The following SMNDC1 variants were observed in gnomAD, a reference collection of about 807,000 sequenced individuals.
The protein encoded by SMNDC1 is survival motor neuron domain containing 1, also known as survival of motor neuron-related-splicing factor 30.
In SMNDC1, 5 loss-of-function variants were observed where a neutral mutation model predicts 29.2. That is an observed-to-expected ratio of 0.17 (90% CI 0.09 to 0.36). SMNDC1 has a LOEUF of 0.36. Among genes scored for constraint, SMNDC1 ranks in the 10% least tolerant of loss-of-function variants. The pLI, the probability that SMNDC1 is intolerant of heterozygous loss-of-function variation, is 1.00. For missense variants in SMNDC1, 142 were observed against 268.5 expected (o/e 0.53, Z 3.29); for synonymous variants, 80 against 89.9 (o/e 0.89, Z 0.62).
At chr10:110,297,916 C>CA (rs1288047990) in intron 3 of SMNDC1, among the ~76,000 whole-genome samples, 188 bp from the exon 4 acceptor site, 1 of 152,122 alleles carries the variant, frequency 6.6e-6, no homozygotes, top group African/African-American at 2.4e-5. Flanking sequence ...AAGGACATCC[C>CA]AATCATAATA....
chr10:110,303,430 A>G, intron 2 of SMNDC1, 38 bp downstream of exon 2: 1 of 1,533,850 alleles, frequency 6.5e-7, no homozygotes, highest in Non-Finnish European at 8.7e-7. Context: ...AATAATTTGA[A>G]AAACAGAGAA....
chr10:110,294,286 A>G lies in SMNDC1; in HGVS notation c.581T>C (p.Val194Ala). The G allele has an allele frequency of 1.3e-6, 2 of 1,569,326 alleles. No homozygotes were observed. Among genetic ancestry groups the G allele is most frequent in the Non-Finnish European group, 1.7e-6 (2 of 1,165,404 alleles). The change falls in exon 6 of 6, where the codon GTA (valine) becomes GCA (alanine). Residue 194 changes from valine (V) to alanine (A), a missense_variant and splice_region_variant. By Grantham distance (64) the Val-to-Ala change is moderately conservative. This residue lies in a region of SMNDC1 where 54 missense variants were observed against 152.1 expected (regional missense o/e 0.36). Coordinates refer to ENST00000369603, the MANE Select transcript of SMNDC1 (RefSeq NM_005871.4). ...AGGTGAAGCAAAAATACTCCTCTTT[A>G]CCTAAGGGAAAGAAAACAGAAATCA... The part of the protein sequence containing the change: ...RAYSKNKKGQ[V>A]KRSIFASPES...
rs1025882678 is a variant in SMNDC1 at position 110,293,401 on chromosome 10, T to C, written c.*749A>G. The C allele has an allele frequency of 1.3e-5, 2 of 152,636 alleles. No homozygotes were observed. Among genetic ancestry groups the C allele is most frequent in the African/African-American group, 4.8e-5 (2 of 41,448 alleles). 9.5% of individuals were successfully genotyped at this position (152,636 alleles called of 1,614,324 possible). On this transcript the variant is annotated 3_prime_UTR_variant, in exon 6 of 6. Coordinates refer to ENST00000369603, the MANE Select transcript of SMNDC1 (RefSeq NM_005871.4). ...TCTACACTGTATACAGGGCTATACA[T>C]CAGCTTTTTGTTCTCCCATATAAAC... is the stretch of plus-strand genomic sequence containing the variant.
At chr10:110,298,604 TTATTA>T (rs1857600854) in intron 3 of SMNDC1, 39 bp downstream of exon 3, 6 of 1,520,788 alleles carry the variant, frequency 3.9e-6, no homozygotes, top group Non-Finnish European at 5.4e-6. Flanking sequence ...CCATTGTATT[TTATTA>T]TTTCATGTTA....
chr10:110,303,777 AT>A (rs1337624391), intron 1 of SMNDC1, 190 bp from the exon 2 acceptor site: 2 of 516,106 alleles, frequency 3.9e-6, no homozygotes, highest in Non-Finnish European at 6.7e-6. Flanking sequence ...AAGGCAACAG[AT>A]TCTGAGGATT....
intron 4 of SMNDC1, among the ~76,000 whole-genome samples, chr10:110,297,066 T>A (rs1404887399): frequency 1.3e-5 from 2 of 152,214 alleles, no homozygotes; most frequent in Admixed American, 1.3e-4. Flanking sequence ...TGTAGCTTTG[T>A]ACTTGGCTCT....
At chr10:110,298,586 ACTT>A (rs1197019259) in intron 3 of SMNDC1, 59 bp downstream of exon 3, 6 of 1,408,264 alleles carry the variant, frequency 4.3e-6, no homozygotes, top group African/African-American at 2.9e-5. Context: ...CTGAATAAAA[ACTT>A]CTTACCATTG....
At chr10:110,295,460 A>C in intron 4 of SMNDC1, 79 bp from the exon 5 acceptor site, 2 of 1,114,686 alleles carry the variant, frequency 1.8e-6, no homozygotes, top group Non-Finnish European at 2.5e-6. Context: ...CGGCAGTGCA[A>C]AAAAAAAATC....
In SMNDC1 at chr10:110,292,104, C is replaced by A. The variant is rs1002591616; in HGVS notation, c.*2046G>T. The A allele has an allele frequency of 6.6e-6, 1 of 152,170 alleles. No individual in the cohort carries two copies. Among genetic ancestry groups the A allele is most frequent in the Non-Finnish European group, 1.5e-5 (1 of 68,020 alleles). 9.4% of individuals were successfully genotyped at this position (152,170 alleles called of 1,614,324 possible). Reference sequence around the variant, plus strand: ...ACTGTAAAATACTGTGGGTATCATGCTTCTCATTGAGCATCTTCTCAAATT... The same window carrying A: ...ACTGTAAAATACTGTGGGTATCATGATTCTCATTGAGCATCTTCTCAAATT... On this transcript the variant is annotated 3_prime_UTR_variant, in exon 6 of 6. Coordinates refer to ENST00000369603, the MANE Select transcript of SMNDC1 (RefSeq NM_005871.4).
At position 110,299,108 on chromosome 10, in the gene SMNDC1, T is replaced by C. The variant is rs138820740; in HGVS notation, c.121-318A>G. ...CCTATTTTAGCTGAATAGATCTCTC[T>C]AAAGATGAGAAAGTCAAGTATGAGG... On this transcript the variant is annotated intron_variant, in intron 2 of 5. Transcript: ENST00000369603. 8.4e-3 allele frequency among the ~76,000 whole-genome samples: 1,283 copies of C among 152,302 alleles called. 12 individuals are homozygous for C. The highest frequency in any genetic ancestry group is 0.013 in the Non-Finnish European group (913 of 68,012).
intron 1 of SMNDC1, 40 bp from the exon 2 acceptor site, chr10:110,303,627 C>T (rs902720652): frequency 6.5e-6 from 10 of 1,536,030 alleles, no homozygotes; most frequent in African/African-American, 1.4e-5. Context: ...AAAACTAAAC[C>T]AAAAATCAAG....
intron 2 of SMNDC1, among the ~76,000 whole-genome samples, chr10:110,301,565 C>A (rs955299026): frequency 6.6e-6 from 1 of 152,186 alleles, no homozygotes; most frequent in African/African-American, 2.4e-5. Context: ...GTATGGTAGT[C>A]ACGTGTGGCT....
rs1857688825 is a variant in SMNDC1 at position 110,303,453 on chromosome 10, TC to T, written c.120+14del. ...GAAAAACAGAGAAAAAGTACAATTG[TC>T]TACCCATACTTACTTGTAAATCTTT... is the stretch of plus-strand genomic sequence containing the variant. On this transcript the variant is annotated intron_variant, in intron 2 of 5. Transcript: ENST00000369603. 6.4e-7 allele frequency: 1 copy of T among 1,557,522 alleles called. No individual in the cohort carries two copies. Among genetic ancestry groups the T allele is most frequent in the Non-Finnish European group, 8.6e-7 (1 of 1,160,926 alleles).
intron 2 of SMNDC1, among the ~76,000 whole-genome samples, chr10:110,299,954 C>CT (rs1857620350): frequency 6.6e-6 from 1 of 152,120 alleles, no homozygotes; most frequent in African/African-American, 2.4e-5. Flanking sequence ...AATAATATCT[C>CT]TAAGTTTTAT....
intron 2 of SMNDC1, among the ~76,000 whole-genome samples, chr10:110,301,776 T>G (rs1365028385): frequency 2.0e-5 from 3 of 152,214 alleles, no homozygotes; most frequent in African/African-American, 7.2e-5. Context: ...CAGGTCATTA[T>G]TAACTGAACC....
intron 2 of SMNDC1, among the ~76,000 whole-genome samples, chr10:110,302,184 T>C (rs1043257044): frequency 2.6e-5 from 4 of 152,178 alleles, no homozygotes; most frequent in African/African-American, 4.8e-5. Context: ...CTTCAATGTA[T>C]ACTCACAACA....
At chr10:110,296,903 A>C (rs1222994352) in intron 4 of SMNDC1, among the ~76,000 whole-genome samples, 1 of 152,226 alleles carries the variant, frequency 6.6e-6, no homozygotes, top group Non-Finnish European at 1.5e-5. Flanking sequence ...GAACTGTTAC[A>C]AGCTTTACTA....
At position 110,295,795 on chromosome 10, in the gene SMNDC1, C is replaced by G. The variant is rs1857556022; in HGVS notation, c.426-414G>C. On this transcript the variant is annotated intron_variant, in intron 4 of 5. Transcript: ENST00000369603. ...TAGCTGGGACTACAGGCACATGCCA[C>G]CATGCCCAGCTAACTTTTATATTTT... is the stretch of plus-strand genomic sequence containing the variant. 2.6e-5 allele frequency among the ~76,000 whole-genome samples: 4 copies of G among 152,152 alleles called. No homozygotes were observed. The South Asian group carries it at 8.3e-4, about 31-fold the overall frequency.
At chr10:110,302,197 T>C (rs1043708046) in intron 2 of SMNDC1, among the ~76,000 whole-genome samples, 2 of 152,178 alleles carry the variant, frequency 1.3e-5, no homozygotes, top group Non-Finnish European at 2.9e-5. Context: ...TCACAACATA[T>C]GAGCAAATCA....
Sources: allele counts gnomAD v4.1 joint callset (sites outside exome capture counted in the v4.1 genomes callset), GRCh38; gene constraint gnomAD v4.1.1; regional missense constraint gnomAD v4.1.1; transcripts MANE v1.5; gene names NCBI Gene and HGNC (gene_info 2026-07-23, HGNC 2026-07-21).